Variants in TRIQK observed in about 807,000 individuals in gnomAD.
TRIQK encodes the protein triple QxxK/R motif containing.
In TRIQK, 10 loss-of-function variants were observed where a neutral mutation model predicts 10.8. The observed-to-expected ratio is 0.92, with a 90% CI of 0.57 to 1.57. The LOEUF is 1.57. TRIQK is among the 40% of genes most tolerant of loss of function. The probability of loss-of-function intolerance (pLI) is 0.00; values close to 1 mark genes in which losing one functional copy is unlikely to be tolerated. For missense variants in TRIQK, 107 were observed against 97.7 expected (o/e 1.09, Z -0.40); for synonymous variants, 33 against 33.7 (o/e 0.98, Z 0.07).
upstream of TRIQK, among the ~76,000 whole-genome samples, chr8:92,971,071 GT>G (rs562506098): frequency 1.4e-4 from 22 of 152,056 alleles, no homozygotes; most frequent in African/African-American, 5.3e-4. Flanking sequence ...CCCATTGCTT[GT>G]TTTTTTCCTG....
At chr8:93,010,611 A>G (rs973015556) in intron 1 of TRIQK, among the ~76,000 whole-genome samples, 1 of 152,166 alleles carries the variant, frequency 6.6e-6, no homozygotes, top group East Asian at 1.9e-4. Flanking sequence ...TACTTTTATA[A>G]GAATAAAACC....
At chr8:92,990,335 G>A (rs567777159) in intron 1 of TRIQK, among the ~76,000 whole-genome samples, 2 of 152,172 alleles carry the variant, frequency 1.3e-5, no homozygotes, top group Non-Finnish European at 2.9e-5. Context: ...TATTTTTGCT[G>A]TGATGCTCCT....
Position 92,915,488 on chromosome 8 carries a change from CT to C in TRIQK, c.61+1440del, listed in dbSNP as rs759774758. On this transcript the variant is annotated intron_variant, in intron 3 of 4. Transcript: ENST00000521988. ...ACCTTAAATACGTACTATAAACATT[CT>C]TTTTTTTTTTTTGAGATGGAGTCCC... is the stretch of plus-strand genomic sequence containing the variant. Among the ~76,000 whole-genome samples the C allele has an allele frequency of 2.4e-3, 340 of 143,384 alleles. 1 individual carries two copies. The highest frequency in any genetic ancestry group is 4.2e-3 in the South Asian group (19 of 4,562). 94.1% of individuals were successfully genotyped at this position (143,384 alleles called of 152,430 possible).
chr8:92,975,119 C>G (rs1586519674), intron 1 of TRIQK, among the ~76,000 whole-genome samples: 1 of 152,194 alleles, frequency 6.6e-6, no homozygotes, highest in Admixed American at 6.5e-5. Context: ...AGGTGTATTG[C>G]CCCCAGGGGG....
intron 2 of TRIQK, chr8:92,921,739 C>T (rs1296036978): frequency 6.6e-6 from 1 of 151,844 alleles, no homozygotes; most frequent in African/African-American, 2.4e-5. Flanking sequence ...TAGTTGTCAT[C>T]ACTGAAACTA....
chr8:92,995,737 A>T (rs1813146637), intron 1 of TRIQK, among the ~76,000 whole-genome samples: 1 of 152,060 alleles, frequency 6.6e-6, no homozygotes, highest in African/African-American at 2.4e-5. Context: ...AAAGGGACTT[A>T]GTATTTTGTT....
intron 3 of TRIQK, among the ~76,000 whole-genome samples, chr8:92,912,059 T>C (rs562199326): frequency 2.0e-5 from 3 of 151,240 alleles, no homozygotes; most frequent in Admixed American, 2.0e-4. Context: ...ATTTAAACAA[T>C]ACTACAGAAC....
chr8:92,894,930 T>C (rs1808513327), intron 3 of TRIQK, among the ~76,000 whole-genome samples: 1 of 152,136 alleles, frequency 6.6e-6, no homozygotes, highest in South Asian at 2.1e-4. Context: ...GTTACCTTAT[T>C]GGTCATCTGC....
At chr8:92,996,061 T>A (rs952687021) in intron 1 of TRIQK, among the ~76,000 whole-genome samples, 2 of 152,062 alleles carry the variant, frequency 1.3e-5, no homozygotes, top group African/African-American at 2.4e-5. Context: ...TAGAATGCCA[T>A]TTGTTTTTAG....
chr8:93,004,879 C>T (rs1433703262), intron 1 of TRIQK, among the ~76,000 whole-genome samples: 1 of 152,214 alleles, frequency 6.6e-6, no homozygotes, highest in Non-Finnish European at 1.5e-5. Context: ...CTGAGACCAG[C>T]TCAGCCTGAA....
intron 1 of TRIQK, among the ~76,000 whole-genome samples, chr8:93,012,639 C>A (rs909505523): frequency 1.6e-4 from 25 of 151,962 alleles, no homozygotes; most frequent in Non-Finnish European, 8.8e-5. Context: ...CACATTGATA[C>A]CAGAAAAGAC....
chr8:92,954,995 T>C (rs1812099209), intron 1 of TRIQK, among the ~76,000 whole-genome samples: 1 of 151,908 alleles, frequency 6.6e-6, no homozygotes, highest in Non-Finnish European at 1.5e-5. Context: ...CAGTCGTAAA[T>C]GTTTAAGTAT....
At chr8:92,902,748 G>GTGTTTACATTTAATAAAACTATTGATA (rs1809019182) in intron 3 of TRIQK, among the ~76,000 whole-genome samples, 1 of 151,934 alleles carries the variant, frequency 6.6e-6, no homozygotes, top group Non-Finnish European at 1.5e-5. Flanking sequence ...GTATGTTTAG[G>GTGTTTACATTTAATAAAACTATTGATA]TGTTTACATT....
intron 1 of TRIQK, among the ~76,000 whole-genome samples, chr8:93,009,333 G>A (rs866562414): frequency 6.6e-6 from 1 of 152,276 alleles, no homozygotes; most frequent in South Asian, 2.1e-4. Flanking sequence ...AAAGAGGCCG[G>A]GTGCAGTGGC....
intron 1 of TRIQK, among the ~76,000 whole-genome samples, chr8:93,010,403 TA>T (rs1438651141): frequency 6.6e-6 from 1 of 151,924 alleles, no homozygotes; most frequent in African/African-American, 2.4e-5. Flanking sequence ...ATGTGTCCAT[TA>T]AAAAAATAAA....
At chr8:92,987,764 C>T (rs748216531) in intron 1 of TRIQK, among the ~76,000 whole-genome samples, 7 of 151,928 alleles carry the variant, frequency 4.6e-5, no homozygotes, top group Non-Finnish European at 7.4e-5. Flanking sequence ...ATACTATGCA[C>T]GTATTAAAAT....
intron 2 of TRIQK, chr8:92,929,525 G>A (rs1472700134): frequency 6.6e-6 from 1 of 151,974 alleles, no homozygotes. Flanking sequence ...GATTGTTGTG[G>A]CATCTGGACA....
intron 4 of TRIQK, among the ~76,000 whole-genome samples, chr8:92,889,743 T>G (rs1816669075): frequency 6.6e-6 from 1 of 151,604 alleles, no homozygotes; most frequent in Admixed American, 6.6e-5. Flanking sequence ...CTGACAACAT[T>G]ATGAGGTAAA....
chr8:93,004,417 A>G (rs559121090), intron 1 of TRIQK, among the ~76,000 whole-genome samples: 70 of 152,274 alleles, frequency 4.6e-4, no homozygotes, highest in African/African-American at 1.7e-3. Context: ...CCACGAAACA[A>G]TGTTTCCCTC....
Sources: allele counts gnomAD v4.1 joint callset (sites outside exome capture counted in the v4.1 genomes callset), GRCh38; gene constraint gnomAD v4.1.1; transcripts MANE v1.5; gene names NCBI Gene and HGNC (gene_info 2026-07-23, HGNC 2026-07-21).